The following BABAM2 variants were observed in gnomAD, a reference collection of about 807,000 sequenced individuals.
BABAM2 encodes the protein BRISC and BRCA1-A complex member 2.
In BABAM2, 31 loss-of-function variants were observed where a neutral mutation model predicts 54.7. That is an observed-to-expected ratio of 0.57 (90% CI 0.43 to 0.77). BABAM2 has a LOEUF of 0.77. Ranked by LOEUF, BABAM2 falls within the 30% of genes least tolerant of loss-of-function variation. The pLI, the probability that BABAM2 is intolerant of heterozygous loss-of-function variation, is 0.00. For synonymous variants in BABAM2, 167 were observed against 162.9 expected, an observed-to-expected ratio of 1.03 and a Z score of -0.19; for missense variants, 364 against 455.8, an observed-to-expected ratio of 0.80 and a Z score of 1.83.
chr2:28,317,712 T>C (rs1445391685), intron 11 of BABAM2, among the ~76,000 whole-genome samples: 1 of 152,244 alleles, frequency 6.6e-6, no homozygotes, highest in Admixed American at 6.5e-5. Flanking sequence ...ACTTACGTAC[T>C]GTTAGAGGTT....
chr2:27,891,322 T>C (rs1664824060), intron 1 of BABAM2, among the ~76,000 whole-genome samples: 1 of 152,166 alleles, frequency 6.6e-6, no homozygotes, highest in African/African-American at 2.4e-5. Context: ...GCAGGGCACA[T>C]GTTTCCGTGT....
At chr2:27,961,162 A>C (rs971248143) in intron 3 of BABAM2, among the ~76,000 whole-genome samples, 11 of 152,192 alleles carry the variant, frequency 7.2e-5, no homozygotes, top group African/African-American at 2.7e-4. Flanking sequence ...GAAGTTAATC[A>C]GGCTTATGTG....
rs1219477628 is a variant in BABAM2, at chr2:28,304,301, C to T, written c.1088+5810C>T. On this transcript the variant is annotated intron_variant, in intron 11 of 11. Transcript: ENST00000379624. This position sits in a 1 kb window ranked among gnomAD's most constrained non-coding sequence, Gnocchi z 4.0. ...AAACTCCTGACTTCAGGTGATCCACCCGCCTCGGCCTCCCAAAGTGCTGGC... is the reference window on the plus strand; with the variant it reads ...AAACTCCTGACTTCAGGTGATCCACTCGCCTCGGCCTCCCAAAGTGCTGGC... 3.9e-5 allele frequency among the ~76,000 whole-genome samples: 6 copies of T among 151,962 alleles called. No homozygotes were observed. Among genetic ancestry groups the T allele is most frequent in the African/African-American group, 1.2e-4 (5 of 41,404 alleles).
intron 3 of BABAM2, among the ~76,000 whole-genome samples, chr2:27,974,815 C>T (rs552979477): frequency 1.5e-4 from 23 of 152,074 alleles, no homozygotes; most frequent in Admixed American, 5.9e-4. Flanking sequence ...ACCTAATTTG[C>T]GTATAATGAT....
chr2:28,106,414 A>G (rs1057454372), intron 6 of BABAM2, among the ~76,000 whole-genome samples: 2 of 152,182 alleles, frequency 1.3e-5, no homozygotes, highest in Non-Finnish European at 2.9e-5. Context: ...TTCAGAATTC[A>G]GTTTAGAATC....
chr2:28,014,166 G>A (rs545685737), intron 4 of BABAM2, among the ~76,000 whole-genome samples: 2 of 152,240 alleles, frequency 1.3e-5, no homozygotes, highest in South Asian at 4.1e-4. Flanking sequence ...GTCACATACA[G>A]GATGGGGGGA....
chr2:27,917,338 C>T (rs975600869), intron 2 of BABAM2, among the ~76,000 whole-genome samples: 2 of 152,060 alleles, frequency 1.3e-5, no homozygotes, highest in Non-Finnish European at 2.9e-5. Context: ...TTAAATTATG[C>T]ACCCTGTCTT....
chr2:27,996,044 G>A (rs1203882188), intron 4 of BABAM2, among the ~76,000 whole-genome samples: 1 of 152,118 alleles, frequency 6.6e-6, no homozygotes, highest in Admixed American at 6.5e-5. Context: ...TCCAGTCCAT[G>A]TGAGCTAATT....
chr2:28,284,329 G>C (rs753655735), intron 10 of BABAM2, among the ~76,000 whole-genome samples: 13 of 151,412 alleles, frequency 8.6e-5, no homozygotes, highest in Non-Finnish European at 1.5e-4. Flanking sequence ...AAAACAAAAA[G>C]CTGGACAATT....
At chr2:28,246,469 CTGG>C (rs2148083610) in intron 10 of BABAM2, among the ~76,000 whole-genome samples, 1 of 152,270 alleles carries the variant, frequency 6.6e-6, no homozygotes, top group Admixed American at 6.5e-5. Flanking sequence ...GGAAGGTTGT[CTGG>C]TGTGATTATC....
Position 28,207,501 on chromosome 2 carries a change from C to T in BABAM2, c.681-29701C>T, listed in dbSNP as rs1370134831. Among the ~76,000 whole-genome samples, 4 of 152,096 alleles carry T rather than the reference C, an allele frequency of 2.6e-5. No individual in the cohort carries two copies. The South Asian group carries it at 6.2e-4, about 24-fold the overall frequency. On this transcript the variant is annotated intron_variant, in intron 7 of 11. Transcript: ENST00000379624. ...ACCTGAGCCCAGGGATTCTTGATTG[C>T]ACCACTGCACACCAGCCTGGATGAC...
chr2:28,065,446 G>A (rs1679240033), intron 6 of BABAM2, among the ~76,000 whole-genome samples: 1 of 152,138 alleles, frequency 6.6e-6, no homozygotes, highest in Admixed American at 6.5e-5. Flanking sequence ...TTGGGTTGTG[G>A]TTCTCCTTAA....
Position 28,303,021 on chromosome 2 carries a change from T to C in BABAM2, c.1088+4530T>C, listed in dbSNP as rs114147093. ...ATCTGTGGCTTGCCATTTCATTTTCTTTTTCCTTTTTTTAATAGAGACAAT... is the reference window on the plus strand; with the variant it reads ...ATCTGTGGCTTGCCATTTCATTTTCCTTTTCCTTTTTTTAATAGAGACAAT... On this transcript the variant is annotated intron_variant, in intron 11 of 11. Coordinates refer to ENST00000379624, the MANE Select transcript of BABAM2 (RefSeq NM_199191.3). Among the ~76,000 whole-genome samples the C allele has an allele frequency of 7.1e-3, 1,081 of 152,282 alleles. 9 individuals are homozygous for C. The highest frequency in any genetic ancestry group is 0.025 in the African/African-American group (1,024 of 41,552).
chr2:27,938,533 A>G (rs1447560297), intron 3 of BABAM2, among the ~76,000 whole-genome samples: 1 of 151,956 alleles, frequency 6.6e-6, no homozygotes, highest in Non-Finnish European at 1.5e-5. Context: ...CTGGGACTAC[A>G]GGCACGTGTC....
chr2:27,898,612 A>G (rs1357843319), intron 2 of BABAM2, among the ~76,000 whole-genome samples: 3 of 152,224 alleles, frequency 2.0e-5, no homozygotes, highest in Admixed American at 6.5e-5. Flanking sequence ...TAACCATAAA[A>G]AGTAGTGAAG....
intron 6 of BABAM2, among the ~76,000 whole-genome samples, chr2:28,100,742 C>A (rs1667014295): frequency 6.6e-6 from 1 of 152,086 alleles, no homozygotes; most frequent in Admixed American, 6.5e-5. Context: ...AGCATAACGA[C>A]TAGAAAGCTC....
At chr2:28,149,964 A>G (rs180873442) in intron 7 of BABAM2, among the ~76,000 whole-genome samples, 8 of 152,320 alleles carry the variant, frequency 5.3e-5, no homozygotes, top group Middle Eastern at 3.4e-3. Context: ...TTTACATAGT[A>G]TCTTTTCATC....
intron 6 of BABAM2, among the ~76,000 whole-genome samples, chr2:28,123,861 CA>C (rs1260515072): frequency 1.3e-5 from 2 of 152,080 alleles, no homozygotes; most frequent in Non-Finnish European, 2.9e-5. Context: ...TTCAGGATGC[CA>C]GATGATAAAT....
chr2:28,207,370 A>T (rs913367500), intron 7 of BABAM2, among the ~76,000 whole-genome samples: 2 of 151,094 alleles, frequency 1.3e-5, no homozygotes, highest in African/African-American at 4.9e-5. Context: ...TCCTAGGATG[A>T]TGCTTCTGGG....
Sources: allele counts gnomAD v4.1 joint callset (sites outside exome capture counted in the v4.1 genomes callset), GRCh38; gene constraint gnomAD v4.1.1; non-coding constraint Gnocchi (gnomAD v3.1); transcripts MANE v1.5; gene names NCBI Gene and HGNC (gene_info 2026-07-23, HGNC 2026-07-21).